The following CDC73 variants were observed in gnomAD, a reference collection of about 807,000 sequenced individuals.
CDC73 encodes the protein cell division cycle 73.
Under a neutral mutation model 83.7 loss-of-function variants are expected in CDC73, and 21 were observed. That is an observed-to-expected ratio of 0.25 (90% CI 0.18 to 0.36). The LOEUF is 0.36. CDC73 is among the 10% of genes least tolerant of loss of function. The probability of loss-of-function intolerance (pLI) is 1.00; values close to 1 mark genes in which losing one functional copy is unlikely to be tolerated. For synonymous variants in CDC73, 224 were observed against 212.9 expected (o/e 1.05, Z -0.45); for missense variants, 342 against 653.3 (o/e 0.52, Z 5.19).
At position 193,252,762 on chromosome 1, in the gene CDC73, A is replaced by T. The variant is rs1034609373; in HGVS notation, c.*2050A>T. On this transcript the variant is annotated 3_prime_UTR_variant, in exon 17 of 17. Transcript: ENST00000367435. ...TAGCTGTTTATTCTAAAAAACAAAAATTTTCAGCCACTCCCATTTATTCTC... is the reference window on the plus strand; with the variant it reads ...TAGCTGTTTATTCTAAAAAACAAAATTTTTCAGCCACTCCCATTTATTCTC... 5 of 231,666 alleles carry T rather than the reference A, an allele frequency of 2.2e-5. No individual in the cohort carries two copies. Among genetic ancestry groups the T allele is most frequent in the Non-Finnish European group, 4.3e-5 (5 of 117,142 alleles). The allele number at this position is 231,666 out of a possible 1,614,324, so 14.4% of individuals were successfully genotyped here. A position where few individuals can be genotyped will look rare whatever the true frequency, so the allele number is the denominator to read the frequency against.
chr1:193,204,290 T>A (rs572768998), intron 11 of CDC73, among the ~76,000 whole-genome samples: 4,309 of 147,712 alleles, frequency 0.029, 73 homozygotes, highest in Non-Finnish European at 0.043. Flanking sequence ...TATATATATT[T>A]TTTTTTTTTC....
In CDC73 at chr1:193,155,190, A is replaced by G. The variant is rs190583187; in HGVS notation, c.972+2746A>G. Among the ~76,000 whole-genome samples, 9 of 152,350 alleles carry G rather than the reference A, an allele frequency of 5.9e-5. No individual in the cohort carries two copies. The East Asian group carries it at 1.7e-3, about 29-fold the overall frequency. ...TGTTTTGATAATCACATTTCATAAG[A>G]ATCATGGGTTAGTGAAAGTTTTTAT... On this transcript the variant is annotated intron_variant, in intron 10 of 16. Coordinates refer to ENST00000367435, the MANE Select transcript of CDC73 (RefSeq NM_024529.5).
chr1:193,177,627 C>T (rs1256222959), intron 10 of CDC73, among the ~76,000 whole-genome samples: 1 of 151,948 alleles, frequency 6.6e-6, no homozygotes, highest in Non-Finnish European at 1.5e-5. Context: ...ACGAGTCCTT[C>T]CTGTCTTAGT....
At chr1:193,222,047 A>T (rs930245733) in intron 13 of CDC73, among the ~76,000 whole-genome samples, 15 of 152,238 alleles carry the variant, frequency 9.9e-5, no homozygotes, top group African/African-American at 1.9e-4. Flanking sequence ...AAACAAAAAA[A>T]AATAATAAAA....
intron 5 of CDC73, chr1:193,136,456 C>A: frequency 7.5e-6 from 2 of 267,364 alleles, no homozygotes; most frequent in Non-Finnish European, 1.7e-5. Flanking sequence ...TTGCTCTATG[C>A]TATGTGTTAT....
chr1:193,154,971 T>C lies in CDC73; in HGVS notation c.972+2527T>C, dbSNP rs142876684. Among the ~76,000 whole-genome samples the C allele has an allele frequency of 9.4e-3, 1,438 of 152,282 alleles. 15 individuals carry two copies. The highest frequency in any genetic ancestry group is 0.034 in the South Asian group (163 of 4,824). On this transcript the variant is annotated intron_variant, in intron 10 of 16. Coordinates refer to ENST00000367435, the MANE Select transcript of CDC73 (RefSeq NM_024529.5). ...ACTTCCTTCCTAATTTATGTATAGT[T>C]CATTTTTGCAGCCATTGTTCTCCAA...
intron 11 of CDC73, among the ~76,000 whole-genome samples, chr1:193,204,215 A>G (rs1175557583): frequency 1.1e-4 from 16 of 143,676 alleles, no homozygotes; most frequent in African/African-American, 3.4e-4. Context: ...GTGTATATAT[A>G]TGTATATATA....
chr1:193,165,404 T>C (rs992511831), intron 10 of CDC73, among the ~76,000 whole-genome samples: 2 of 152,188 alleles, frequency 1.3e-5, no homozygotes, highest in Non-Finnish European at 2.9e-5. Flanking sequence ...CATTGTAAAG[T>C]ACAAATAGAG....
chr1:193,149,504 C>A lies in CDC73; in HGVS notation c.829-800C>A, dbSNP rs148157470. Among the ~76,000 whole-genome samples, 25 of 152,124 alleles carry A rather than the reference C, an allele frequency of 1.6e-4. No homozygotes were observed. In the South Asian group the frequency reaches 4.8e-3, roughly 29 times the overall value. ...CATGTCAAACCTTAAAACAGTTTTA[C>A]CATTTGTGACTGATTATTCTTTCTG... On this transcript the variant is annotated intron_variant, in intron 8 of 16. Transcript: ENST00000367435.
chr1:193,228,933 T>C (rs1677610763), intron 13 of CDC73, among the ~76,000 whole-genome samples: 1 of 152,002 alleles, frequency 6.6e-6, no homozygotes, highest in African/African-American at 2.4e-5. Context: ...TTTTTAAAAA[T>C]CCTATTAAAA....
chr1:193,162,823 C>G (rs1449316301), intron 10 of CDC73, among the ~76,000 whole-genome samples: 1 of 152,068 alleles, frequency 6.6e-6, no homozygotes, highest in Non-Finnish European at 1.5e-5. Context: ...GTCTTTTTGT[C>G]ATTTCTGTCT....
intron 11 of CDC73, among the ~76,000 whole-genome samples, chr1:193,207,592 T>C (rs1417367247): frequency 2.6e-5 from 4 of 152,132 alleles, no homozygotes; most frequent in African/African-American, 7.2e-5. Flanking sequence ...ATATCTCTCT[T>C]ACTTGCATGC....
At chr1:193,126,670 C>G (rs1324714177) in intron 2 of CDC73, among the ~76,000 whole-genome samples, 2 of 152,068 alleles carry the variant, frequency 1.3e-5, no homozygotes, top group African/African-American at 4.8e-5. Flanking sequence ...ATATTTGTTG[C>G]TTTTGCTTAC....
chr1:193,209,090 A>G (rs535943594), intron 11 of CDC73, among the ~76,000 whole-genome samples: 1 of 152,358 alleles, frequency 6.6e-6, no homozygotes, highest in African/African-American at 2.4e-5. Flanking sequence ...CTTTGAGGGC[A>G]GGAATTACTT....
At chr1:193,214,751 A>G (rs910020196) in intron 13 of CDC73, among the ~76,000 whole-genome samples, 1 of 152,176 alleles carries the variant, frequency 6.6e-6, no homozygotes, top group African/African-American at 2.4e-5. Flanking sequence ...TTTATAAGCT[A>G]TTTGGCCACT....
chr1:193,209,114 A>G (rs895273212), intron 11 of CDC73, among the ~76,000 whole-genome samples: 3 of 152,192 alleles, frequency 2.0e-5, no homozygotes, highest in Admixed American at 2.0e-4. Flanking sequence ...TTTTATTTGC[A>G]ATTTAATAAT....
chr1:193,187,963 C>T (rs1676848429), intron 10 of CDC73, among the ~76,000 whole-genome samples: 1 of 152,204 alleles, frequency 6.6e-6, no homozygotes, highest in African/African-American at 2.4e-5. Context: ...GCAATTCTCA[C>T]TCACTACCGT....
Position 193,138,178 on chromosome 1 carries a change from G to A in CDC73, c.512+5G>A, listed in dbSNP as rs557303948. Reference sequence around the variant, plus strand: ...TGTACAGACTGAACAGATTAGGTAAGAATTCTTTTTAAGTAGAAAGTAGGT... The same window carrying A: ...TGTACAGACTGAACAGATTAGGTAAAAATTCTTTTTAAGTAGAAAGTAGGT... On this transcript the variant is annotated splice_donor_5th_base_variant and intron_variant, in intron 6 of 16. Transcript: ENST00000367435. The A allele has an allele frequency of 6.3e-7, 1 of 1,588,968 alleles. No homozygotes were observed. The highest frequency in any genetic ancestry group is 1.3e-5 in the African/African-American group (1 of 74,536).
intron 10 of CDC73, among the ~76,000 whole-genome samples, chr1:193,202,285 C>T (rs1677105060): frequency 6.6e-6 from 1 of 151,946 alleles, no homozygotes; most frequent in African/African-American, 2.4e-5. Context: ...ACTGGAATTA[C>T]AAAGAATAAT....
Sources: gnomAD v4.1 joint callset for allele counts (sites outside exome capture counted in the v4.1 genomes callset) on GRCh38, gnomAD v4.1.1 for gene constraint, MANE v1.5 for transcripts, NCBI Gene and HGNC (gene_info 2026-07-23, HGNC 2026-07-21) for gene names.